Variants in AKAP19 observed in about 807,000 individuals in gnomAD.
AKAP19 encodes the protein A-kinase anchoring protein 19.
chr2:190,016,538 G>A, the AKAP19 span, among the ~76,000 whole-genome samples: 2 of 152,288 alleles, frequency 1.3e-5, no homozygotes, highest in East Asian at 3.9e-4. Flanking sequence ...GGGACACAAA[G>A]CCTAATCATA....
the AKAP19 span, among the ~76,000 whole-genome samples, chr2:189,902,546 CTTTCT>C: frequency 6.6e-6 from 1 of 151,772 alleles, no homozygotes; most frequent in African/African-American, 2.4e-5. Flanking sequence ...AGAGCTTTTC[CTTTCT>C]TATTTTTTCC....
the AKAP19 span, among the ~76,000 whole-genome samples, chr2:189,967,933 C>A: frequency 2.0e-5 from 3 of 150,248 alleles, no homozygotes; most frequent in Admixed American, 2.0e-4. Context: ...TATTGGAGAG[C>A]AATAGCATAT....
chr2:190,018,697 C>T, the AKAP19 span, among the ~76,000 whole-genome samples: 1 of 152,000 alleles, frequency 6.6e-6, no homozygotes, highest in South Asian at 2.1e-4. Flanking sequence ...GTCATGATTC[C>T]CTTATTTTTG....
chr2:190,079,868 T>A, the AKAP19 span: 1 of 98,576 alleles, frequency 1.0e-5, no homozygotes, highest in African/African-American at 5.5e-5. Context: ...TGTGTGTGTG[T>A]GTGTGTGTGT....
the AKAP19 span, among the ~76,000 whole-genome samples, chr2:189,972,474 T>C: frequency 2.6e-5 from 4 of 152,238 alleles, no homozygotes; most frequent in Non-Finnish European, 5.9e-5. Flanking sequence ...GGCTCTTTTT[T>C]GGTTCCATAT....
the AKAP19 span, among the ~76,000 whole-genome samples, chr2:189,974,502 G>T: frequency 1.3e-5 from 2 of 152,118 alleles, no homozygotes; most frequent in African/African-American, 4.8e-5. Context: ...GGTCTGCTTG[G>T]TGCAGAGCTA....
chr2:190,106,778 T>TA, the AKAP19 span, among the ~76,000 whole-genome samples: 4 of 151,248 alleles, frequency 2.6e-5, no homozygotes, highest in African/African-American at 4.9e-5. Context: ...TCTAAAAATC[T>TA]AAAAAAAAAT....
the AKAP19 span, among the ~76,000 whole-genome samples, chr2:190,180,066 G>C: frequency 1.3e-5 from 2 of 152,232 alleles, no homozygotes; most frequent in Non-Finnish European, 2.9e-5. The surrounding 1 kb of genome is among the most constrained non-coding windows in gnomAD (Gnocchi z 6.8). Flanking sequence ...AGAGAAACAC[G>C]CTTGGAAAAT....
At chr2:190,045,962 G>T in the AKAP19 span, among the ~76,000 whole-genome samples, 7 of 152,222 alleles carry the variant, frequency 4.6e-5, no homozygotes, top group African/African-American at 1.7e-4. Context: ...GATCTCCTGA[G>T]CTGGGGGTTG....
At chr2:189,923,472 G>A in the AKAP19 span, 470 of 1,613,798 alleles carry the variant, frequency 2.9e-4, no homozygotes, top group Middle Eastern at 4.9e-4. Context: ...ATTGTGGGCT[G>A]CTCTGTTCAT....
At chr2:190,089,746 C>T in the AKAP19 span, 2 of 152,078 alleles carry the variant, frequency 1.3e-5, no homozygotes, top group Non-Finnish European at 2.9e-5. Flanking sequence ...GTGTTACTCC[C>T]GAAAAACCAC....
chr2:190,084,164 C>T, the AKAP19 span, among the ~76,000 whole-genome samples: 1 of 147,764 alleles, frequency 6.8e-6, no homozygotes, highest in Admixed American at 6.9e-5. Context: ...ATGGTCTCTG[C>T]TCACTGCAAC....
At chr2:190,022,789 G>A in the AKAP19 span, among the ~76,000 whole-genome samples, 1 of 151,934 alleles carries the variant, frequency 6.6e-6, no homozygotes, top group Admixed American at 6.6e-5. Context: ...TTATAAATGG[G>A]GTCTCAAGGT....
the AKAP19 span, among the ~76,000 whole-genome samples, chr2:189,983,545 C>T: frequency 9.2e-5 from 14 of 152,214 alleles, no homozygotes; most frequent in Admixed American, 5.9e-4. Flanking sequence ...TGCAAGGAAA[C>T]GCAGTAAATA....
the AKAP19 span, among the ~76,000 whole-genome samples, chr2:190,142,072 G>T: frequency 6.6e-6 from 1 of 152,144 alleles, no homozygotes; most frequent in Non-Finnish European, 1.5e-5. Context: ...GGAAATTCAG[G>T]CTGTGATGTC....
At chr2:189,998,690 A>G in the AKAP19 span, among the ~76,000 whole-genome samples, 1 of 151,410 alleles carries the variant, frequency 6.6e-6, no homozygotes, top group African/African-American at 2.4e-5. Flanking sequence ...TCCAAAAACC[A>G]ATTTTTTACT....
At chr2:190,126,777 A>T in the AKAP19 span, among the ~76,000 whole-genome samples, 4 of 152,138 alleles carry the variant, frequency 2.6e-5, no homozygotes, top group Non-Finnish European at 5.9e-5. Context: ...TAAAAAAAAA[A>T]CAAAGTGAAG....
the AKAP19 span, among the ~76,000 whole-genome samples, chr2:190,067,412 T>TC: frequency 1.1e-4 from 16 of 152,184 alleles, no homozygotes; most frequent in African/African-American, 3.9e-4. Flanking sequence ...ATTGAATACT[T>TC]CCCCCTTTAA....
chr2:190,154,601 C>T, the AKAP19 span, among the ~76,000 whole-genome samples: 2 of 152,178 alleles, frequency 1.3e-5, no homozygotes, highest in African/African-American at 4.8e-5. Context: ...TTTGCTCATA[C>T]TGTTATCTTA....
Sources: allele counts gnomAD v4.1 joint callset (sites outside exome capture counted in the v4.1 genomes callset), GRCh38; gene constraint gnomAD v4.1.1; non-coding constraint Gnocchi (gnomAD v3.1); transcripts MANE v1.5; gene names NCBI Gene and HGNC (gene_info 2026-07-23, HGNC 2026-07-21).